Variants in TPP2 observed in about 807,000 individuals in gnomAD.
TPP2 encodes the protein tripeptidyl-peptidase 2.
Under a neutral mutation model 155.9 loss-of-function variants are expected in TPP2, and 34 were observed. The ratio of observed to expected loss-of-function variants is 0.22; its 90% CI spans 0.17 to 0.29. The LOEUF (loss-of-function observed/expected upper bound fraction) is 0.29. Ranked by LOEUF, TPP2 falls within the 10% of genes least tolerant of loss-of-function variation. The probability of loss-of-function intolerance (pLI) is 1.00; values close to 1 mark genes in which losing one functional copy is unlikely to be tolerated. For synonymous variants in TPP2, 510 were observed against 529.4 expected (o/e 0.96, Z 0.50); for missense variants, 1,028 against 1,522.3 (o/e 0.68, Z 5.40).
chr13:102,663,510 G>T, intron 25 of TPP2, 138 bp from the exon 26 acceptor site: 1 of 588,778 alleles, frequency 1.7e-6, no homozygotes, highest in Non-Finnish European at 2.8e-6. Context: ...GATAATCCTT[G>T]TCAATGACTA....
chr13:102,633,822 A>G (rs1882187346), intron 10 of TPP2, 128 bp from the exon 11 acceptor site: 2 of 1,320,978 alleles, frequency 1.5e-6, no homozygotes, highest in African/African-American at 2.9e-5. Context: ...TATCTGTGTC[A>G]CTATTTGTAA....
Position 102,644,980 on chromosome 13 carries a change from A to T in TPP2, c.2364A>T (p.Ile788=), listed in dbSNP as rs750231445. Residue 788 remains isoleucine (I), a synonymous_variant, in exon 19 of 30, where the codon ATA becomes ATT. Transcript: ENST00000376052. ...AATACGAAGATCTGGCTCCCTGCAT[A>T]ACTTTGAAGAACTGGGTCCAAACAC... ...SLKYEDLAPC[I]TLKNWVQTLR... The T allele has an allele frequency of 6.2e-7, 1 of 1,614,030 alleles. No homozygotes were observed. Among genetic ancestry groups the T allele is most frequent in the Non-Finnish European group, 8.5e-7 (1 of 1,179,970 alleles).
chr13:102,650,851 G>A (rs1883440077), intron 23 of TPP2, among the ~76,000 whole-genome samples: 1 of 152,162 alleles, frequency 6.6e-6, no homozygotes, highest in Non-Finnish European at 1.5e-5. Flanking sequence ...CTGGGAGAAA[G>A]CAGTAACTTA....
At chr13:102,672,904 G>T (rs906290117) in intron 27 of TPP2, among the ~76,000 whole-genome samples, 1 of 152,184 alleles carries the variant, frequency 6.6e-6, no homozygotes, top group Non-Finnish European at 1.5e-5. Context: ...TTCAAGCTTT[G>T]AGGCACTGTG....
rs1881672462 is a variant in TPP2, at chr13:102,627,017, C to T, written c.790C>T (p.His264Tyr). The T allele has an allele frequency of 6.4e-7, 1 of 1,568,556 alleles. No individual in the cohort carries two copies. The highest frequency in any genetic ancestry group is 8.6e-7 in the Non-Finnish European group (1 of 1,160,182). ...LLSIVTSGGA[H>Y]GTHVASIAAG... is the part of the protein sequence containing the mutation. ...CCCCACCTTTGTGTCTCTAGGAGCT[C>T]ATGGGACACATGTAGCTAGTATAGC... is the stretch of plus-strand genomic sequence containing the variant. The change falls in exon 7 of 30, where the codon CAT becomes TAT. Residue 264 changes from histidine (H) to tyrosine (Y), a missense_variant. Coordinates refer to ENST00000376052, the MANE Select transcript of TPP2 (RefSeq NM_001330588.2).
intron 13 of TPP2, among the ~76,000 whole-genome samples, chr13:102,636,599 A>G (rs139096987): frequency 4.6e-5 from 7 of 152,326 alleles, no homozygotes; most frequent in Non-Finnish European, 7.4e-5. Flanking sequence ...ATCTTAAACT[A>G]CCAGGGAAAA....
At chr13:102,675,304 G>A (rs1414746417) in intron 28 of TPP2, among the ~76,000 whole-genome samples, 1 of 152,156 alleles carries the variant, frequency 6.6e-6, no homozygotes, top group Non-Finnish European at 1.5e-5. Flanking sequence ...TTATATTTGG[G>A]AAACTGAAGG....
At chr13:102,604,162 G>A (rs1879638494) in intron 1 of TPP2, among the ~76,000 whole-genome samples, 1 of 151,998 alleles carries the variant, frequency 6.6e-6, no homozygotes, top group Admixed American at 6.5e-5. Flanking sequence ...TGCTAGTGTG[G>A]CATCCAATAA....
intron 17 of TPP2, 60 bp from the exon 18 acceptor site, chr13:102,644,491 GTATTTA>G (rs1882972254): frequency 2.2e-6 from 3 of 1,352,100 alleles, no homozygotes; most frequent in Non-Finnish European, 3.0e-6. Flanking sequence ...GAAACAGCTA[GTATTTA>G]TATTCTGTAA....
At chr13:102,654,279 T>G (rs1353757634) in intron 24 of TPP2, among the ~76,000 whole-genome samples, 1 of 152,184 alleles carries the variant, frequency 6.6e-6, no homozygotes, top group Non-Finnish European at 1.5e-5. Context: ...CTGAAACATC[T>G]TGTAGGATTA....
intron 10 of TPP2, 145 bp from the exon 11 acceptor site, chr13:102,633,805 A>G: frequency 8.4e-7 from 1 of 1,193,330 alleles, no homozygotes; most frequent in Non-Finnish European, 1.2e-6. Flanking sequence ...TTGATTCTTC[A>G]TAGTAGTATC....
chr13:102,663,633 T>C lies in TPP2; in HGVS notation c.3144-15T>C. ...AAGAAAAAAGTAAATATTTCTCTCC[T>C]TCTTACATACATAGGCTGGATTCTA... is the stretch of plus-strand genomic sequence containing the variant. On this transcript the variant is annotated splice_polypyrimidine_tract_variant and intron_variant, in intron 25 of 29. Transcript: ENST00000376052. 6.4e-7 allele frequency: 1 copy of C among 1,552,080 alleles called. No individual in the cohort carries two copies.
In TPP2 at chr13:102,629,068, C is replaced by T. The variant is rs112671728; in HGVS notation, c.1017-414C>T. Among the ~76,000 whole-genome samples, 1,356 of 152,272 alleles carry T rather than the reference C, an allele frequency of 8.9e-3. 20 individuals are homozygous for T. The highest frequency in any genetic ancestry group is 0.031 in the African/African-American group (1,283 of 41,550). On this transcript the variant is annotated intron_variant, in intron 8 of 29. Transcript: ENST00000376052. ...TTTAAAATCTTGCTCTTAAGTTCTT[C>T]CTAGTGCCTTAGTTACCTTTTCCAC...
At chr13:102,627,824 C>T (rs1199198895) in intron 7 of TPP2, 24 bp from the exon 8 acceptor site, 1 of 1,572,738 alleles carries the variant, frequency 6.4e-7, no homozygotes. Context: ...GCTGCCTAAA[C>T]TAGAGTCTTA....
chr13:102,638,126 G>A, intron 14 of TPP2, 113 bp from the exon 15 acceptor site: 1 of 1,015,854 alleles, frequency 9.8e-7, no homozygotes, highest in Non-Finnish European at 1.5e-6. Flanking sequence ...TCAACCTCTG[G>A]TTAAGACCTT....
At chr13:102,634,186 T>C (rs1467342809) in intron 11 of TPP2, 88 bp downstream of exon 11, 1 of 1,549,872 alleles carries the variant, frequency 6.5e-7, no homozygotes, top group African/African-American at 1.4e-5. Context: ...GTGGTAGAAT[T>C]GATAATTCCC....
In TPP2 at chr13:102,660,607, T is replaced by C. The variant is rs1010578671; in HGVS notation, c.3144-3041T>C. Among the ~76,000 whole-genome samples, 5 of 152,356 alleles carry C rather than the reference T, an allele frequency of 3.3e-5. No individual in the cohort carries two copies. The East Asian group carries it at 9.6e-4, about 29-fold the overall frequency. ...TTCAGTTGAATCCCCATCAGGATCC[T>C]TTTATAGAAATTAACAAGCTGATTC... On this transcript the variant is annotated intron_variant, in intron 25 of 29. Transcript: ENST00000376052.
chr13:102,628,011 G>A (rs944918505), intron 8 of TPP2, 87 bp downstream of exon 8: 20 of 1,068,808 alleles, frequency 1.9e-5, no homozygotes, highest in Non-Finnish European at 2.6e-5. Context: ...TGAGTGTCAC[G>A]GTGGAAGAAA....
rs527307401 is a variant in TPP2 at position 102,675,812 on chromosome 13, C to T, written c.3580-484C>T. 3.9e-4 allele frequency among the ~76,000 whole-genome samples: 60 copies of T among 152,248 alleles called. 1 individual carries two copies. The highest frequency in any genetic ancestry group is 3.9e-4 in the East Asian group (2 of 5,188). On this transcript the variant is annotated intron_variant, in intron 28 of 29. Coordinates refer to ENST00000376052, the MANE Select transcript of TPP2 (RefSeq NM_001330588.2). The stretch of plus-strand genomic sequence containing the variant: ...TCAGGATTTTCTTTGAGTACATTCT[C>T]CACATTCCAAAGTAGAGACCAAAAA...
Sources: gnomAD v4.1 joint callset for allele counts (sites outside exome capture counted in the v4.1 genomes callset) on GRCh38, gnomAD v4.1.1 for gene constraint, MANE v1.5 for transcripts, NCBI Gene and HGNC (gene_info 2026-07-23, HGNC 2026-07-21) for gene names.